The following INPP4B variants were observed in gnomAD, a reference collection of about 807,000 sequenced individuals.
INPP4B encodes inositol polyphosphate-4-phosphatase type II B, also known as inositol polyphosphate 4-phosphatase type II.
In INPP4B, 55 loss-of-function variants were observed where a neutral mutation model predicts 122.5. That is an observed-to-expected ratio of 0.45 (90% confidence interval 0.36 to 0.56). The LOEUF is 0.56. Among genes scored for constraint, INPP4B ranks in the 20% least tolerant of loss-of-function variants. The pLI is 0.00. For missense variants in INPP4B, 1,000 were observed against 1,097.7 expected (o/e 0.91, Z 1.26); for synonymous variants, 403 against 388.7 (o/e 1.04, Z -0.43).
intron 7 of INPP4B, among the ~76,000 whole-genome samples, chr4:142,387,459 A>G (rs1796307443): frequency 6.6e-6 from 1 of 151,568 alleles, no homozygotes; most frequent in African/African-American, 2.4e-5. Flanking sequence ...CAAATGAACA[A>G]CAATGCACTG....
intron 15 of INPP4B, among the ~76,000 whole-genome samples, chr4:142,189,147 G>C (rs1393834070): frequency 2.0e-5 from 3 of 152,256 alleles, no homozygotes; most frequent in South Asian, 4.1e-4. Context: ...TTTTTGCCCT[G>C]TGACTGTGTA....
intron 2 of INPP4B, among the ~76,000 whole-genome samples, chr4:142,684,323 T>C (rs372099456): frequency 8.5e-5 from 13 of 152,064 alleles, no homozygotes; most frequent in African/African-American, 2.9e-4. Flanking sequence ...AGGGATTGCA[T>C]GGGAATAATC....
At chr4:142,772,875 T>C (rs112577885) in intron 1 of INPP4B, among the ~76,000 whole-genome samples, 15 of 151,802 alleles carry the variant, frequency 9.9e-5, no homozygotes, top group African/African-American at 3.6e-4. Flanking sequence ...TGAAACGCTG[T>C]CTCTACTAAA....
intron 2 of INPP4B, among the ~76,000 whole-genome samples, chr4:142,545,372 T>C (rs924357069): frequency 6.6e-6 from 1 of 152,070 alleles, no homozygotes; most frequent in Non-Finnish European, 1.5e-5. Context: ...TCATACCCAT[T>C]GTACAGAGAA....
At position 142,088,182 on chromosome 4, in the gene INPP4B, G is replaced by A. The variant is rs1222703405; in HGVS notation, c.2375-1926C>T. The stretch of plus-strand genomic sequence containing the variant: ...GATAGCCTAAAGATAAAGGGAAGGA[G>A]GCCGAATATGGAATGCCTTGAAGGG... On this transcript the variant is annotated intron_variant, in intron 23 of 25. Transcript: ENST00000262992. 2.6e-5 allele frequency among the ~76,000 whole-genome samples: 4 copies of A among 152,254 alleles called. No individual in the cohort carries two copies. The South Asian group carries it at 6.2e-4, about 24-fold the overall frequency.
intron 2 of INPP4B, among the ~76,000 whole-genome samples, chr4:142,507,020 T>A (rs188710703): frequency 1.3e-5 from 2 of 152,310 alleles, no homozygotes; most frequent in East Asian, 3.9e-4. Context: ...TTCATGTACA[T>A]TGTTCTCTTT....
At chr4:142,660,291 C>T (rs1427151825) in intron 2 of INPP4B, among the ~76,000 whole-genome samples, 1 of 152,056 alleles carries the variant, frequency 6.6e-6, no homozygotes, top group Non-Finnish European at 1.5e-5. Flanking sequence ...GGATGCTGTT[C>T]TCTCTCTCCC....
chr4:142,302,581 T>C (rs1761889331), intron 9 of INPP4B, among the ~76,000 whole-genome samples: 1 of 152,142 alleles, frequency 6.6e-6, no homozygotes, highest in South Asian at 2.1e-4. Context: ...AGCATCTCAT[T>C]TGATAAGGGT....
At chr4:142,331,924 G>T (rs539619569) in intron 7 of INPP4B, among the ~76,000 whole-genome samples, 1 of 150,532 alleles carries the variant, frequency 6.6e-6, no homozygotes, top group Non-Finnish European at 1.5e-5. Flanking sequence ...GTGGGGGGTG[G>T]AGGGGGAAAA....
intron 7 of INPP4B, among the ~76,000 whole-genome samples, chr4:142,320,603 A>G (rs1259034643): frequency 1.3e-5 from 2 of 152,160 alleles, no homozygotes; most frequent in Admixed American, 1.3e-4. Flanking sequence ...CCATCACCTG[A>G]GCAGTGTACA....
chr4:142,255,948 T>A (rs1735717444), intron 11 of INPP4B, among the ~76,000 whole-genome samples: 1 of 144,778 alleles, frequency 6.9e-6, no homozygotes, highest in African/African-American at 2.5e-5. Context: ...GACCACATAG[T>A]TGGAAGTAAA....
At chr4:142,651,467 C>T (rs912278266) in intron 2 of INPP4B, among the ~76,000 whole-genome samples, 1 of 151,950 alleles carries the variant, frequency 6.6e-6, no homozygotes, top group Non-Finnish European at 1.5e-5. Context: ...AATTGATAGA[C>T]CACTAGCAAG....
chr4:142,032,800 G>A (rs190430227), intron 25 of INPP4B, among the ~76,000 whole-genome samples: 2 of 152,284 alleles, frequency 1.3e-5, no homozygotes, highest in Admixed American at 6.5e-5. Flanking sequence ...AGTAGCTCAT[G>A]TAAGTCAATT....
In INPP4B at chr4:142,028,630, ATGAAT is replaced by A. The variant is rs1218989987; in HGVS notation, c.*147_*151del. 5.8e-6 allele frequency: 4 copies of A among 695,510 alleles called. No individual in the cohort carries two copies. The highest frequency in any genetic ancestry group is 3.6e-5 in the African/African-American group (2 of 55,568). 43.1% of individuals were successfully genotyped at this position (695,510 alleles called of 1,614,324 possible). On this transcript the variant is annotated 3_prime_UTR_variant, in exon 26 of 26. Transcript: ENST00000262992. ...TTTCTTTCAGAGCAATATGCTGATG[ATGAAT>A]TGAAGTAGTTCCTAGATTTTGGGAA...
At chr4:142,210,265 C>T (rs929743833) in intron 12 of INPP4B, among the ~76,000 whole-genome samples, 1 of 152,152 alleles carries the variant, frequency 6.6e-6, no homozygotes, top group Non-Finnish European at 1.5e-5. Context: ...ATGTGACTTG[C>T]TTTCAAATGG....
intron 3 of INPP4B, among the ~76,000 whole-genome samples, chr4:142,445,975 A>C (rs116826225): frequency 0.025 from 3,857 of 152,224 alleles, 112 homozygotes; most frequent in East Asian, 0.064. Context: ...ATTTATATTT[A>C]TTTGAACCAA....
chr4:142,360,863 C>G (rs543853913), intron 7 of INPP4B, among the ~76,000 whole-genome samples: 2 of 152,060 alleles, frequency 1.3e-5, no homozygotes, highest in African/African-American at 4.8e-5. Context: ...CAAAGTGACT[C>G]AAAATCTGTA....
chr4:142,431,214 G>C lies in INPP4B; in HGVS notation c.46C>G (p.Leu16Val), dbSNP rs1241506007. ...EGASEEGQHF[L>V]PTAQANDPGD... is the part of the protein sequence containing the mutation. Reference sequence around the variant, plus strand: ...GGATCATTGGCCTGGGCTGTAGGAAGAAAGTGCTGCCCTTCTTCTGATGCC... The same window carrying C: ...GGATCATTGGCCTGGGCTGTAGGAACAAAGTGCTGCCCTTCTTCTGATGCC... Residue 16 changes from leucine (L) to valine (V), a missense_variant, in exon 4 of 26, where the codon CTT (leucine) becomes GTT (valine). Coordinates refer to ENST00000262992, the MANE Select transcript of INPP4B (RefSeq NM_001101669.3). The C allele has an allele frequency of 6.2e-7, 1 of 1,613,422 alleles. No homozygotes were observed. The highest frequency in any genetic ancestry group is 1.7e-5 in the Admixed American group (1 of 59,988).
chr4:142,750,238 G>A (rs184132238), intron 1 of INPP4B, among the ~76,000 whole-genome samples: 2 of 151,946 alleles, frequency 1.3e-5, no homozygotes, highest in Admixed American at 1.3e-4. Context: ...AAATATTTAG[G>A]GAATATGTAA....
Sources: allele counts gnomAD v4.1 joint callset (sites outside exome capture counted in the v4.1 genomes callset), GRCh38; gene constraint gnomAD v4.1.1; transcripts MANE v1.5; gene names NCBI Gene and HGNC (gene_info 2026-07-23, HGNC 2026-07-21).